Variants in GSDMC observed in about 807,000 individuals in gnomAD.
GSDMC encodes gasdermin-C.
Under a neutral mutation model 58.0 loss-of-function variants are expected in GSDMC, and 59 were observed. That is an observed-to-expected ratio of 1.02 (90% CI 0.82 to 1.26). The LOEUF (loss-of-function observed/expected upper bound fraction) is 1.26, where lower values mean the gene tolerates loss of function less well. GSDMC is among the 50% of genes most tolerant of loss of function. The pLI is 0.00. For synonymous variants in GSDMC, 241 were observed against 220.2 expected (o/e 1.09, Z -0.83); for missense variants, 659 against 598.5 (o/e 1.10, Z -1.06).
chr8:129,756,908 T>C (rs1035161728), intron 6 of GSDMC, among the ~76,000 whole-genome samples: 6 of 151,844 alleles, frequency 4.0e-5, no homozygotes, highest in African/African-American at 1.5e-4. Flanking sequence ...AGCAAAGCAG[T>C]ACAAAGAGGC....
chr8:129,764,614 G>A (rs1192300229), intron 4 of GSDMC, among the ~76,000 whole-genome samples: 1 of 152,192 alleles, frequency 6.6e-6, no homozygotes, highest in Non-Finnish European at 1.5e-5. Flanking sequence ...GTAGGTGCCT[G>A]GCTATGCAGA....
rs201195215 is a variant in GSDMC at position 129,751,613 on chromosome 8, A to T, written c.917-45T>A. 12 of 1,595,006 alleles carry T rather than the reference A, an allele frequency of 7.5e-6. No homozygotes were observed. In the South Asian group the frequency reaches 1.2e-4, roughly 16 times the overall value. ...ATCATCTCACTTCCTCATCCCCCCA[A>T]ATTTGCTTTTCAGATGTTTTGGAGG... On this transcript the variant is annotated intron_variant, in intron 9 of 13. Transcript: ENST00000276708.
At chr8:129,763,144 T>G (rs2033734006) in intron 4 of GSDMC, among the ~76,000 whole-genome samples, 1 of 152,220 alleles carries the variant, frequency 6.6e-6, no homozygotes, top group Non-Finnish European at 1.5e-5. Context: ...GTTAATGTGA[T>G]GTCCCTTTGC....
At chr8:129,708,488 C>T in the GSDMC span, among the ~76,000 whole-genome samples, 1 of 152,212 alleles carries the variant, frequency 6.6e-6, no homozygotes, top group East Asian at 1.9e-4. Context: ...CTACACTCAG[C>T]CTTAAGGAAC....
chr8:129,714,274 T>A, the GSDMC span, among the ~76,000 whole-genome samples: 1 of 152,248 alleles, frequency 6.6e-6, no homozygotes, highest in Non-Finnish European at 1.5e-5. Context: ...ATCTGTCCCA[T>A]GATTATTGCC....
chr8:129,715,608 G>C, the GSDMC span, among the ~76,000 whole-genome samples: 94,348 of 151,922 alleles, frequency 0.62, 31,795 homozygotes, highest in African/African-American at 0.88. Flanking sequence ...AAAGTCAAAA[G>C]AAAAACTTTT....
chr8:129,710,343 GC>G, the GSDMC span, among the ~76,000 whole-genome samples: 1 of 152,160 alleles, frequency 6.6e-6, no homozygotes, highest in Non-Finnish European at 1.5e-5. Context: ...AAGTAGACCT[GC>G]CGGCATAAAG....
At chr8:129,771,996 G>A (rs1016547474) in intron 3 of GSDMC, among the ~76,000 whole-genome samples, 1 of 152,274 alleles carries the variant, frequency 6.6e-6, no homozygotes. Context: ...CAGGCGCAGT[G>A]GCTCACACCT....
chr8:129,757,438 C>T (rs1423349345), intron 6 of GSDMC, among the ~76,000 whole-genome samples: 2 of 151,980 alleles, frequency 1.3e-5, no homozygotes, highest in East Asian at 3.9e-4. Flanking sequence ...AAGCCCAGGA[C>T]CTGATGGATT....
the GSDMC span, among the ~76,000 whole-genome samples, chr8:129,711,198 T>C: frequency 6.6e-6 from 1 of 152,356 alleles, no homozygotes. Flanking sequence ...ATTTTTTCAC[T>C]TGATCTTTAC....
chr8:129,721,290 A>G, the GSDMC span, among the ~76,000 whole-genome samples: 2 of 152,112 alleles, frequency 1.3e-5, no homozygotes, highest in Admixed American at 6.5e-5. Context: ...GCAACCCAAC[A>G]TGTCTACAGT....
intron 3 of GSDMC, among the ~76,000 whole-genome samples, chr8:129,775,807 C>A (rs1316288974): frequency 2.0e-5 from 3 of 152,160 alleles, no homozygotes; most frequent in Non-Finnish European, 4.4e-5. Flanking sequence ...CTTGTCTCCA[C>A]TAAATGTAAG....
At chr8:129,720,366 A>T in the GSDMC span, among the ~76,000 whole-genome samples, 1 of 152,192 alleles carries the variant, frequency 6.6e-6, no homozygotes, top group African/African-American at 2.4e-5. Flanking sequence ...TGATATCAGG[A>T]TGTATCAAAA....
chr8:129,741,835 C>T, the GSDMC span, among the ~76,000 whole-genome samples: 2 of 150,052 alleles, frequency 1.3e-5, no homozygotes, highest in African/African-American at 4.9e-5. Flanking sequence ...ATCTGCACTC[C>T]CATATTCATT....
chr8:129,748,474 C>G lies in GSDMC; in HGVS notation c.*27G>C, dbSNP rs765550055. 2.0e-5 allele frequency: 32 copies of G among 1,582,384 alleles called. No homozygotes were observed. The South Asian group carries it at 3.8e-4, about 19-fold the overall frequency. ...ATAGACTGGGCGAGGGCCAGCATCTCTGGACTGACTGCCCATCAGGGAGGG... is the reference window on the plus strand; with the variant it reads ...ATAGACTGGGCGAGGGCCAGCATCTGTGGACTGACTGCCCATCAGGGAGGG... On this transcript the variant is annotated 3_prime_UTR_variant, in exon 14 of 14. Transcript: ENST00000276708.
chr8:129,736,228 G>T, the GSDMC span, among the ~76,000 whole-genome samples: 1 of 152,268 alleles, frequency 6.6e-6, no homozygotes, highest in East Asian at 1.9e-4. Flanking sequence ...AGAGGAGCTG[G>T]TACCATTCCT....
At chr8:129,728,644 G>A in the GSDMC span, 1 of 278,078 alleles carries the variant, frequency 3.6e-6, no homozygotes, top group Non-Finnish European at 7.0e-6. Flanking sequence ...GCAACACAGA[G>A]CTTCTGCTAG....
downstream of GSDMC, among the ~76,000 whole-genome samples, chr8:129,743,390 A>G (rs746957580): frequency 2.0e-5 from 3 of 152,160 alleles, no homozygotes; most frequent in Non-Finnish European, 4.4e-5. Context: ...TTTATTTCAC[A>G]CATGATATTT....
intron 2 of GSDMC, among the ~76,000 whole-genome samples, chr8:129,776,801 T>C (rs1198333453): frequency 6.6e-6 from 1 of 151,934 alleles, no homozygotes; most frequent in African/African-American, 2.4e-5. Flanking sequence ...CACTCTGTCA[T>C]CCAGGCTGGA....
Sources: gnomAD v4.1 joint callset for allele counts (sites outside exome capture counted in the v4.1 genomes callset) on GRCh38, gnomAD v4.1.1 for gene constraint, MANE v1.5 for transcripts, NCBI Gene and HGNC (gene_info 2026-07-23, HGNC 2026-07-21) for gene names.